The following SYN3 variants were observed in gnomAD, a reference collection of about 807,000 sequenced individuals.
SYN3 encodes the protein synapsin III, also known as synapsin-3.
In SYN3, 35 loss-of-function variants were observed where a neutral mutation model predicts 65.8. That is an observed-to-expected ratio of 0.53 (90% CI 0.41 to 0.70). SYN3 has a LOEUF of 0.70. Ranked by LOEUF, SYN3 falls within the 30% of genes least tolerant of loss-of-function variation. SYN3 has a pLI of 0.00. For missense variants in SYN3, 680 were observed against 749.0 expected (o/e 0.91, Z 1.08); for synonymous variants, 270 against 292.9 (o/e 0.92, Z 0.80).
At chr22:32,710,632 C>CAAAAAA (rs57427060) in intron 6 of SYN3, among the ~76,000 whole-genome samples, 4 of 74,998 alleles carry the variant, frequency 5.3e-5, no homozygotes, top group Non-Finnish European at 7.3e-5. Context: ...GACTCTGTCT[C>CAAAAAA]AAAAAAAAAA....
intron 7 of SYN3, among the ~76,000 whole-genome samples, chr22:32,554,663 T>G (rs2858343): frequency 0.86 from 130,925 of 151,996 alleles, 56,517 homozygotes; most frequent in South Asian, 0.95. Flanking sequence ...GACTGTATGG[T>G]CCAACCCTAG....
intron 6 of SYN3, among the ~76,000 whole-genome samples, chr22:32,839,282 T>C (rs2047826794): frequency 6.6e-6 from 1 of 151,724 alleles, no homozygotes; most frequent in African/African-American, 2.4e-5. Context: ...TAAATGAGGG[T>C]TGTGGATCCC....
rs2046573502 is a variant in SYN3 at position 32,801,465 on chromosome 22, C to T, written c.711+63450G>A. Among the ~76,000 whole-genome samples, 1 of 152,350 alleles carries T rather than the reference C, an allele frequency of 6.6e-6. No homozygotes were observed. Among genetic ancestry groups the T allele is most frequent in the Middle Eastern group, 3.4e-3 (1 of 294 alleles). ...CGAGGACCCAGCGGCAAGCACCGGTCCCGGGCGCGCCCCAGCCCACCCACT... is the reference window on the plus strand; with the variant it reads ...CGAGGACCCAGCGGCAAGCACCGGTTCCGGGCGCGCCCCAGCCCACCCACT... On this transcript the variant is annotated intron_variant, in intron 6 of 13. Coordinates refer to ENST00000358763, the MANE Select transcript of SYN3 (RefSeq NM_003490.4). The surrounding 1 kb of genome is among the most constrained non-coding windows in gnomAD (Gnocchi z 4.7).
At chr22:32,815,497 C>T (rs769814586) in intron 6 of SYN3, among the ~76,000 whole-genome samples, 4 of 152,134 alleles carry the variant, frequency 2.6e-5, no homozygotes, top group Non-Finnish European at 5.9e-5. Flanking sequence ...CTCCTTTAAA[C>T]TCTCATAACC....
chr22:32,725,085 C>A (rs922399430), intron 6 of SYN3, among the ~76,000 whole-genome samples: 4 of 152,182 alleles, frequency 2.6e-5, no homozygotes, highest in Non-Finnish European at 5.9e-5. Context: ...CCATTGCACT[C>A]CAGCCTGGGT....
intron 6 of SYN3, among the ~76,000 whole-genome samples, chr22:32,597,204 CTTTTTTTTTTTTT>C (rs6147592): frequency 2.5e-4 from 22 of 87,366 alleles, no homozygotes; most frequent in Admixed American, 5.1e-4. Context: ...ACATTATTCT[CTTTTTTTTTTTTT>C]TTTTTTTTTT....
intron 1 of SYN3, among the ~76,000 whole-genome samples, chr22:33,020,520 A>G (rs1393404029): frequency 6.6e-6 from 1 of 152,172 alleles, no homozygotes; most frequent in African/African-American, 2.4e-5. Flanking sequence ...TTCCAATGGT[A>G]TAAGGTATAA....
chr22:32,596,797 G>A, intron 6 of SYN3, 61 bp from the exon 7 acceptor site: 1 of 1,530,894 alleles, frequency 6.5e-7, no homozygotes, highest in Non-Finnish European at 9.0e-7. Context: ...AAGGCTCTGG[G>A]TGCTGCTTGT....
intron 6 of SYN3, among the ~76,000 whole-genome samples, chr22:32,714,959 C>T (rs189205956): frequency 2.9e-3 from 445 of 152,248 alleles, no homozygotes; most frequent in Non-Finnish European, 4.6e-3. Flanking sequence ...GTTTGGGTAT[C>T]TTTGCATGGA....
intron 13 of SYN3, among the ~76,000 whole-genome samples, chr22:32,517,542 A>G (rs745492312): frequency 2.0e-5 from 3 of 151,726 alleles, no homozygotes; most frequent in Non-Finnish European, 4.4e-5. Flanking sequence ...TAAAAAGCTA[A>G]GACTTTTTTT....
chr22:32,518,382 A>T (rs1401964511), intron 12 of SYN3, 48 bp from the exon 13 acceptor site: 2 of 1,602,252 alleles, frequency 1.2e-6, no homozygotes, highest in Non-Finnish European at 1.7e-6. Context: ...TTTTCTTAGG[A>T]TAGATATGGC....
intron 6 of SYN3, among the ~76,000 whole-genome samples, chr22:32,847,220 C>T (rs1427995473): frequency 2.0e-5 from 3 of 152,184 alleles, no homozygotes; most frequent in African/African-American, 7.2e-5. Flanking sequence ...CTGTTATAAC[C>T]TGCCTGTGAG....
At chr22:32,806,509 G>A (rs1801603776) in intron 6 of SYN3, among the ~76,000 whole-genome samples, 1 of 152,218 alleles carries the variant, frequency 6.6e-6, no homozygotes, top group South Asian at 2.1e-4. Flanking sequence ...ACTCCTGGGT[G>A]GCCTTGAGAG....
chr22:32,576,291 C>T (rs182948490), intron 7 of SYN3, among the ~76,000 whole-genome samples: 480 of 146,290 alleles, frequency 3.3e-3, no homozygotes, highest in Non-Finnish European at 4.7e-3. Context: ...AGCTCTGTGC[C>T]GAGTATCCCG....
chr22:32,917,504 A>T (rs1020606895), intron 4 of SYN3, among the ~76,000 whole-genome samples: 4 of 152,212 alleles, frequency 2.6e-5, no homozygotes, highest in African/African-American at 9.6e-5. Context: ...TGCCAAGGCC[A>T]AAAGTCTGAA....
chr22:32,883,616 T>C (rs1488297195), intron 4 of SYN3, among the ~76,000 whole-genome samples: 1 of 152,232 alleles, frequency 6.6e-6, no homozygotes, highest in Non-Finnish European at 1.5e-5. Flanking sequence ...TTTGGAGATT[T>C]TTAGAAGCTT....
intron 9 of SYN3, among the ~76,000 whole-genome samples, chr22:32,536,405 C>T (rs1457640253): frequency 6.6e-6 from 1 of 150,794 alleles, no homozygotes; most frequent in East Asian, 2.0e-4. Flanking sequence ...TCATTCAGTC[C>T]TCACACCTGC....
chr22:32,943,963 T>C (rs1350862546), intron 3 of SYN3, among the ~76,000 whole-genome samples: 1 of 152,078 alleles, frequency 6.6e-6, no homozygotes, highest in Non-Finnish European at 1.5e-5. Context: ...CCTTAGAGAC[T>C]TAACAAAGAG....
intron 4 of SYN3, among the ~76,000 whole-genome samples, chr22:32,890,570 C>T (rs1466079923): frequency 6.6e-6 from 1 of 151,902 alleles, no homozygotes; most frequent in Non-Finnish European, 1.5e-5. Flanking sequence ...TTAGTAGAGA[C>T]AGGGTTTCAC....
Sources: allele counts gnomAD v4.1 joint callset (sites outside exome capture counted in the v4.1 genomes callset), GRCh38; gene constraint gnomAD v4.1.1; non-coding constraint Gnocchi (gnomAD v3.1); transcripts MANE v1.5; gene names NCBI Gene and HGNC (gene_info 2026-07-23, HGNC 2026-07-21).